The following USH2A variants were observed in gnomAD, a reference collection of about 807,000 sequenced individuals.
The protein encoded by USH2A is usherin.
USH2A carries 443 observed loss-of-function variants against 538.9 expected under a neutral mutation model. The ratio of observed to expected loss-of-function variants is 0.82; its 90% confidence interval spans 0.76 to 0.89. The LOEUF is 0.89. Ranked by LOEUF, USH2A falls within the 40% of genes least tolerant of loss-of-function variation. USH2A has a pLI of 0.00. For synonymous variants in USH2A, 2,413 were observed against 2,273.5 expected (o/e 1.06, Z -1.75); for missense variants, 6,633 against 6,324.8 (o/e 1.05, Z -1.65).
In USH2A at chr1:216,246,641, C is replaced by A. The variant is rs918775246; in HGVS notation, c.2753G>T (p.Gly918Val). 6.2e-7 allele frequency: 1 copy of A among 1,614,064 alleles called. No homozygotes were observed. The highest frequency in any genetic ancestry group is 1.7e-5 in the Admixed American group (1 of 60,016). Residue 918 changes from glycine (G) to valine (V), a missense_variant, in exon 13 of 72, where the codon GGC becomes GTC. Transcript: ENST00000307340. ...LPGTICDPIS[G>V]QCLCVPNRQG... ...ACGATTAGGCACACACAGGCACTGG[C>A]CACTGATTGGGTCACAAATGGTCCC...
In USH2A at chr1:215,765,741, G is replaced by C. The variant is rs370619496; in HGVS notation, c.11047+940C>G. On this transcript the variant is annotated intron_variant, in intron 56 of 71. Transcript: ENST00000307340. ...TATTTATTAACCATTAACAATAAAT[G>C]CCATTTTCTCAGTTTGTTCTTATAA... 3.2e-3 allele frequency among the ~76,000 whole-genome samples: 491 copies of C among 152,096 alleles called. 16 individuals carry two copies. The South Asian group carries it at 0.066, about 21-fold the overall frequency.
At chr1:216,078,494 A>C in intron 26 of USH2A, 132 bp from the exon 27 acceptor site, 1 of 798,810 alleles carries the variant, frequency 1.3e-6, no homozygotes, top group Non-Finnish European at 2.1e-6. Context: ...GAAATGTGTC[A>C]CTCTACCCTA....
At chr1:215,666,306 T>C (rs1657601114) in intron 64 of USH2A, among the ~76,000 whole-genome samples, 1 of 2,486 alleles carries the variant, frequency 4.0e-4, no homozygotes, top group African/African-American at 5.4e-4. Flanking sequence ...AAATAAATTA[T>C]ATGAGTAGCT....
chr1:216,184,070 T>C (rs2034544934), intron 20 of USH2A, among the ~76,000 whole-genome samples: 2 of 152,014 alleles, frequency 1.3e-5, no homozygotes, highest in African/African-American at 4.8e-5. Context: ...CTGAAAACAA[T>C]TGGTGGGACA....
intron 4 of USH2A, among the ~76,000 whole-genome samples, chr1:216,329,382 G>T (rs971160941): frequency 6.6e-6 from 1 of 152,116 alleles, no homozygotes; most frequent in African/African-American, 2.4e-5. Flanking sequence ...GTCATTCTTA[G>T]AAGAAAGATG....
intron 49 of USH2A, 127 bp downstream of exon 49, chr1:215,813,609 T>C (rs896868414): frequency 3.7e-6 from 4 of 1,090,990 alleles, no homozygotes; most frequent in Non-Finnish European, 5.6e-6. Flanking sequence ...GAGCAGGCCA[T>C]TGGCTATGTG....
At chr1:216,086,217 A>G (rs2032130574) in intron 24 of USH2A, among the ~76,000 whole-genome samples, 1 of 152,136 alleles carries the variant, frequency 6.6e-6, no homozygotes, top group Non-Finnish European at 1.5e-5. Flanking sequence ...CACTAATGGC[A>G]TTAGGCTGGA....
chr1:215,709,296 T>C (rs570149362), intron 61 of USH2A, among the ~76,000 whole-genome samples: 12 of 152,332 alleles, frequency 7.9e-5, no homozygotes, highest in African/African-American at 1.7e-4. Flanking sequence ...TCTATTTCTA[T>C]AGTGTAAATG....
chr1:216,222,798 G>A (rs369791889), intron 14 of USH2A, among the ~76,000 whole-genome samples: 104 of 152,244 alleles, frequency 6.8e-4, no homozygotes, highest in African/African-American at 1.6e-3. Flanking sequence ...GACCAACATG[G>A]AGAAACCCTG....
intron 3 of USH2A, among the ~76,000 whole-genome samples, chr1:216,367,984 T>G (rs769024102): frequency 3.3e-5 from 5 of 152,222 alleles, no homozygotes; most frequent in Non-Finnish European, 7.3e-5. Flanking sequence ...TGTTTATTGG[T>G]GTGTCTTGAA....
At chr1:215,981,506 C>T (rs893090083) in intron 35 of USH2A, among the ~76,000 whole-genome samples, 6 of 152,082 alleles carry the variant, frequency 3.9e-5, no homozygotes, top group Non-Finnish European at 7.4e-5. Flanking sequence ...GCTTTCTTTT[C>T]TCTTTCATTC....
chr1:216,207,398 A>G lies in USH2A; in HGVS notation c.3191T>C (p.Val1064Ala). Residue 1064 changes from valine to alanine, a missense_variant, in exon 16 of 72, where the codon GTT becomes GCT. By Grantham distance (64) the Val-to-Ala change is moderately conservative (BLOSUM62 0). Transcript: ENST00000307340. ...GAGATTGATAGCAGAAGAACTTTGAACTTGTCCTCTGGGCGGAGGTTGCTG... is the reference window on the plus strand; with the variant it reads ...GAGATTGATAGCAGAAGAACTTTGAGCTTGTCCTCTGGGCGGAGGTTGCTG... ...PFQQPPPRGQ[V>A]QSSSAINLSW... 6.2e-7 allele frequency: 1 copy of G among 1,614,034 alleles called. No homozygotes were observed. Among genetic ancestry groups the G allele is most frequent in the Non-Finnish European group, 8.5e-7 (1 of 1,179,936 alleles).
At position 216,289,404 on chromosome 1, in the gene USH2A, T is replaced by C. The variant is rs375685977; in HGVS notation, c.1847A>G (p.Asn616Ser). The change falls in exon 11 of 72, where the codon AAC becomes AGC. Residue 616 changes from asparagine (N) to serine (S), a missense_variant. Asn to Ser is a conservative substitution (Grantham distance 46). Coordinates refer to ENST00000307340, the MANE Select transcript of USH2A (RefSeq NM_206933.4). ...DDCEHNTTGR[N>S]CELCKDYFFR... ...AAAGTAATCCTTGCACAGCTCACAG[T>C]TCCTTCCTGCATCAGGGAAAGGTTA... The C allele has an allele frequency of 1.2e-6, 2 of 1,613,882 alleles. No homozygotes were observed. Among genetic ancestry groups the C allele is most frequent in the South Asian group, 2.2e-5 (2 of 91,086 alleles).
intron 11 of USH2A, among the ~76,000 whole-genome samples, chr1:216,280,000 C>T (rs1446600807): frequency 6.6e-6 from 1 of 151,814 alleles, no homozygotes; most frequent in Non-Finnish European, 1.5e-5. Context: ...CACCTTGGGT[C>T]AGGATCAGAC....
At chr1:215,700,162 C>T (rs1051396032) in intron 61 of USH2A, among the ~76,000 whole-genome samples, 9 of 152,068 alleles carry the variant, frequency 5.9e-5, no homozygotes, top group Admixed American at 2.6e-4. Flanking sequence ...GAAGCTGACC[C>T]GATCGTGGTG....
chr1:216,420,453 A>G (rs1316364567), intron 2 of USH2A, among the ~76,000 whole-genome samples: 1 of 152,110 alleles, frequency 6.6e-6, no homozygotes, highest in Non-Finnish European at 1.5e-5. Flanking sequence ...TTACTTATCT[A>G]GTGCAAACAC....
chr1:215,691,827 G>A (rs190054376), intron 61 of USH2A, among the ~76,000 whole-genome samples: 1 of 152,228 alleles, frequency 6.6e-6, no homozygotes, highest in African/African-American at 2.4e-5. Flanking sequence ...AAGCTGAAGG[G>A]CTGGGGTGAA....
chr1:216,392,491 CAAAAAAAAA>C (rs55951311), intron 3 of USH2A, among the ~76,000 whole-genome samples: 6 of 49,484 alleles, frequency 1.2e-4, no homozygotes, highest in African/African-American at 3.1e-4. Flanking sequence ...GACTCCGTCT[CAAAAAAAAA>C]AAAAAAAAAA....
chr1:216,242,862 T>G (rs536287526), intron 13 of USH2A, among the ~76,000 whole-genome samples: 1 of 152,192 alleles, frequency 6.6e-6, no homozygotes, highest in Non-Finnish European at 1.5e-5. Flanking sequence ...ATCATATATT[T>G]ATTTGCAAAT....
Sources: allele counts gnomAD v4.1 joint callset (sites outside exome capture counted in the v4.1 genomes callset), GRCh38; gene constraint gnomAD v4.1.1; transcripts MANE v1.5; gene names NCBI Gene and HGNC (gene_info 2026-07-23, HGNC 2026-07-21).